Variants in PCCA observed in about 807,000 individuals in gnomAD.
The protein encoded by PCCA is propionyl-CoA carboxylase subunit alpha.
Under a neutral mutation model 101.3 loss-of-function variants are expected in PCCA, and 74 were observed. The ratio of observed to expected loss-of-function variants is 0.73; its 90% confidence interval spans 0.61 to 0.89. PCCA has a LOEUF of 0.89. PCCA is among the 40% of genes least tolerant of loss of function. The pLI, the probability that PCCA is intolerant of heterozygous loss-of-function variation, is 0.00. For missense variants in PCCA, 891 were observed against 907.0 expected, an observed-to-expected ratio of 0.98 and a Z score of 0.23; for synonymous variants, 294 against 313.6, an observed-to-expected ratio of 0.94 and a Z score of 0.66.
chr13:100,504,081 T>A (rs2085889153), intron 21 of PCCA, among the ~76,000 whole-genome samples: 1 of 152,232 alleles, frequency 6.6e-6, no homozygotes. Flanking sequence ...TTTACACACC[T>A]CTTTACCATT....
intron 12 of PCCA, among the ~76,000 whole-genome samples, chr13:100,279,809 A>G (rs1262687583): frequency 1.3e-5 from 2 of 152,066 alleles, no homozygotes; most frequent in African/African-American, 2.4e-5. Flanking sequence ...TCTCTTTCAA[A>G]TTTCTTTACT....
chr13:100,272,686 T>A (rs1289623287), intron 11 of PCCA, among the ~76,000 whole-genome samples: 1 of 152,192 alleles, frequency 6.6e-6, no homozygotes, highest in African/African-American at 2.4e-5. Context: ...CTTAGCATAC[T>A]GGAGTCTCAA....
At chr13:100,162,218 C>G (rs544954336) in intron 6 of PCCA, among the ~76,000 whole-genome samples, 1 of 152,096 alleles carries the variant, frequency 6.6e-6, no homozygotes, top group South Asian at 2.1e-4. Context: ...TGGCATAGAA[C>G]TTTTCTTATA....
rs374942233 is a variant in PCCA at position 100,285,234 on chromosome 13, A to T, written c.1065+11888A>T. ...AGATAGCCAGGCCACTCTGTACGCT[A>T]ATCAAGGACACCCAGAGGGCAAATA... On this transcript the variant is annotated intron_variant, in intron 12 of 23. Coordinates refer to ENST00000376285, the MANE Select transcript of PCCA (RefSeq NM_000282.4). 9.8e-4 allele frequency among the ~76,000 whole-genome samples: 150 copies of T among 152,320 alleles called. 4 individuals carry two copies. In the South Asian group the frequency reaches 0.028, roughly 29 times the overall value.
intron 4 of PCCA, among the ~76,000 whole-genome samples, chr13:100,112,544 T>C (rs1199193414): frequency 1.3e-5 from 2 of 150,554 alleles, no homozygotes; most frequent in Middle Eastern, 3.5e-3. Context: ...AAAGCAGATA[T>C]ACTTTTATTT....
intron 21 of PCCA, among the ~76,000 whole-genome samples, chr13:100,458,576 A>C (rs954533488): frequency 6.6e-6 from 1 of 152,104 alleles, no homozygotes; most frequent in Admixed American, 6.5e-5. Flanking sequence ...TCAAGGCTAT[A>C]GTGAGGTATG....
intron 20 of PCCA, among the ~76,000 whole-genome samples, chr13:100,441,927 C>T (rs577538139): frequency 3.8e-4 from 58 of 151,898 alleles, no homozygotes; most frequent in African/African-American, 1.3e-3. Flanking sequence ...AAATAAATTC[C>T]AGTTCTGAGT....
intron 18 of PCCA, among the ~76,000 whole-genome samples, chr13:100,348,833 CTCTT>C (rs1286075624): frequency 1.5e-5 from 2 of 134,802 alleles, no homozygotes; most frequent in African/African-American, 5.3e-5. Context: ...TCTTTTCTCT[CTCTT>C]TTTCTCTTTC....
intron 8 of PCCA, chr13:100,237,603 T>C (rs1234613179): frequency 6.6e-6 from 1 of 152,198 alleles, no homozygotes; most frequent in Admixed American, 6.5e-5. Flanking sequence ...ACCTACTGGC[T>C]TTTGAGGATA....
chr13:100,321,938 A>G (rs1432802147), intron 16 of PCCA, among the ~76,000 whole-genome samples: 2 of 152,150 alleles, frequency 1.3e-5, no homozygotes, highest in Non-Finnish European at 2.9e-5. Context: ...ATACATGTTA[A>G]GCTGTTATCA....
intron 18 of PCCA, among the ~76,000 whole-genome samples, chr13:100,363,078 T>C (rs2074798392): frequency 6.6e-6 from 1 of 152,226 alleles, no homozygotes; most frequent in African/African-American, 2.4e-5. Flanking sequence ...TTTATATTCA[T>C]TTTAATAACT....
chr13:100,099,433 T>A (rs2047075168), intron 1 of PCCA, among the ~76,000 whole-genome samples: 1 of 149,480 alleles, frequency 6.7e-6, no homozygotes, highest in Non-Finnish European at 1.5e-5. Context: ...TTCTCCCGCC[T>A]CAGTCTCCCG....
chr13:100,151,169 G>A (rs1639279114), intron 4 of PCCA: 1 of 822,384 alleles, frequency 1.2e-6, no homozygotes, highest in South Asian at 1.8e-5. Flanking sequence ...TAATAAAGAA[G>A]ATGATTTTTC....
rs543909845 is a variant in PCCA at position 100,290,792 on chromosome 13, C to G, written c.1066-10668C>G. 3.9e-5 allele frequency among the ~76,000 whole-genome samples: 6 copies of G among 152,242 alleles called. No individual in the cohort carries two copies. In the Middle Eastern group the frequency reaches 0.014, roughly 345 times the overall value. ...GTCATTTTATATTTATGCTGTGTCT[C>G]TTGACATTATTTCTTTATTGATCTT... On this transcript the variant is annotated intron_variant, in intron 12 of 23. Coordinates refer to ENST00000376285, the MANE Select transcript of PCCA (RefSeq NM_000282.4).
chr13:100,393,573 C>T (rs879862046), intron 19 of PCCA, among the ~76,000 whole-genome samples: 3 of 151,956 alleles, frequency 2.0e-5, no homozygotes, highest in Admixed American at 1.3e-4. Context: ...CGCCCGCCAC[C>T]GTGCCTGGCT....
intron 12 of PCCA, among the ~76,000 whole-genome samples, chr13:100,299,729 T>A (rs1276510318): frequency 6.6e-6 from 1 of 152,210 alleles, no homozygotes; most frequent in Non-Finnish European, 1.5e-5. Flanking sequence ...TCTTTTTTTT[T>A]TCCTGAGATG....
At chr13:100,133,381 A>G (rs1316722303) in intron 4 of PCCA, among the ~76,000 whole-genome samples, 2 of 152,096 alleles carry the variant, frequency 1.3e-5, no homozygotes, top group African/African-American at 4.8e-5. Flanking sequence ...TCTACTGCAG[A>G]TCACTTGTTT....
intron 20 of PCCA, among the ~76,000 whole-genome samples, chr13:100,429,646 G>C (rs1373976371): frequency 6.6e-6 from 1 of 151,806 alleles, no homozygotes; most frequent in African/African-American, 2.4e-5. Context: ...TCCCTCTGTT[G>C]CCCAGGCTGG....
At chr13:100,299,532 C>T (rs1246592577) in intron 12 of PCCA, among the ~76,000 whole-genome samples, 2 of 152,118 alleles carry the variant, frequency 1.3e-5, no homozygotes, top group Non-Finnish European at 1.5e-5. Context: ...ATAGATGTGA[C>T]TCTGTATTTG....
Sources: gnomAD v4.1 joint callset for allele counts (sites outside exome capture counted in the v4.1 genomes callset) on GRCh38, gnomAD v4.1.1 for gene constraint, MANE v1.5 for transcripts, NCBI Gene and HGNC (gene_info 2026-07-23, HGNC 2026-07-21) for gene names.